The following ZNF518A variants were observed in gnomAD, a reference collection of about 807,000 sequenced individuals.
ZNF518A encodes zinc finger protein 518.
ZNF518A carries 47 observed loss-of-function variants against 102.7 expected under a neutral mutation model. That is an observed-to-expected ratio of 0.46 (90% CI 0.36 to 0.58). The LOEUF is 0.58. Among genes scored for constraint, ZNF518A ranks in the 20% least tolerant of loss-of-function variants. The pLI is 0.00. For synonymous variants in ZNF518A, 652 were observed against 594.6 expected (o/e 1.10, Z -1.40); for missense variants, 1,793 against 1,699.8 (o/e 1.05, Z -0.96).
intron 1 of ZNF518A, among the ~76,000 whole-genome samples, chr10:96,171,724 CAT>C (rs1307444583): frequency 9.9e-5 from 15 of 152,154 alleles, no homozygotes; most frequent in Admixed American, 4.6e-4. Context: ...TTAAGGGCAA[CAT>C]ATGTGTAATG....
At position 96,158,193 on chromosome 10, in the gene ZNF518A, A is replaced by C; in HGVS notation, c.1871A>C (p.Asn624Thr). Residue 624 changes from asparagine to threonine, a missense_variant, in exon 6 of 6, where the codon AAC becomes ACC. Around this residue, in one of 3 missense-constraint regions of ZNF518A, gnomAD observed 1,741 missense variants for 1,622.6 expected, o/e 1.07. Coordinates refer to ENST00000316045, the MANE Select transcript of ZNF518A (RefSeq NM_001330736.2). ...DMHNYCINYG[N>T]CELPVESSNQ... The stretch of plus-strand genomic sequence containing the variant: ...CATAATTATTGCATTAATTATGGCA[A>C]CTGTGAGTTACCTGTTGAATCCTCC... The C allele has an allele frequency of 6.2e-7, 1 of 1,613,726 alleles. No homozygotes were observed. The highest frequency in any genetic ancestry group is 8.5e-7 in the Non-Finnish European group (1 of 1,179,740).
At chr10:96,169,953 A>AT (rs1407788423) in intron 1 of ZNF518A, among the ~76,000 whole-genome samples, 2 of 152,238 alleles carry the variant, frequency 1.3e-5, no homozygotes, top group African/African-American at 4.8e-5. Flanking sequence ...GACAGAGATA[A>AT]ACACCTGGAA....
At chr10:96,168,746 G>T (rs2083157512), downstream of ZNF518A, among the ~76,000 whole-genome samples, 1 of 152,014 alleles carries the variant, frequency 6.6e-6, no homozygotes, top group Non-Finnish European at 1.5e-5. Context: ...AGGACCTTTG[G>T]ATGTGATGAC....
intron 1 of ZNF518A, among the ~76,000 whole-genome samples, chr10:96,187,718 CT>C (rs1306916664): frequency 6.6e-6 from 1 of 152,228 alleles, no homozygotes; most frequent in Non-Finnish European, 1.5e-5. Flanking sequence ...CCTTCTTCAG[CT>C]GCTACACATG....
rs1554885310 is a variant in ZNF518A, at chr10:96,158,966, T to G, written c.2644T>G (p.Ser882Ala). Residue 882 changes from serine (S) to alanine (A), a missense_variant, in exon 6 of 6, where the codon TCA becomes GCA. Ser to Ala is a moderately conservative substitution (Grantham distance 99, BLOSUM62 1). Coordinates refer to ENST00000316045, the MANE Select transcript of ZNF518A (RefSeq NM_001330736.2). ...AGATTCAGAGAAGATGCCTAGAATT[T>G]CAGGTTTTGGCACATTACTTAAGAC... ...VRDSEKMPRI[S>A]GFGTLLKTQS... 2.5e-6 allele frequency: 4 copies of G among 1,613,476 alleles called. No homozygotes were observed. The African/African-American group carries it at 5.3e-5, about 22-fold the overall frequency.
chr10:96,173,957 ATT>A (rs1195522938), intron 1 of ZNF518A, among the ~76,000 whole-genome samples: 1 of 152,162 alleles, frequency 6.6e-6, no homozygotes. Flanking sequence ...AACAAAGGAA[ATT>A]TTGAAAATTC....
At chr10:96,140,116 G>A (rs1430494834) in intron 3 of ZNF518A, among the ~76,000 whole-genome samples, 1 of 151,998 alleles carries the variant, frequency 6.6e-6, no homozygotes, top group African/African-American at 2.4e-5. Context: ...CCTCAGCCTC[G>A]CAGAGTGCTA....
chr10:96,170,040 A>T (rs2083164611), intron 1 of ZNF518A, among the ~76,000 whole-genome samples: 1 of 152,056 alleles, frequency 6.6e-6, no homozygotes, highest in African/African-American at 2.4e-5. Context: ...GTGGCTTACA[A>T]CTCTGCCTTC....
At chr10:96,182,560 C>T (rs1251348992) in intron 1 of ZNF518A, among the ~76,000 whole-genome samples, 1 of 152,122 alleles carries the variant, frequency 6.6e-6, no homozygotes, top group Non-Finnish European at 1.5e-5. Context: ...AATTTTGTTG[C>T]AGGCCTTTTC....
In ZNF518A at chr10:96,200,085, C is replaced by T. The variant is rs781918280; in HGVS notation, n.36-3489C>T. ...TAAAAATGATCAGACCTTGTTTGATCTGTGCAATGCCTCTTCAGCAGACTT... is the reference window on the plus strand; with the variant it reads ...TAAAAATGATCAGACCTTGTTTGATTTGTGCAATGCCTCTTCAGCAGACTT... On this transcript the variant is annotated intron_variant and non_coding_transcript_variant, in intron 1 of 2. Coordinates refer to the ZNF518A transcript ENST00000442635. This position sits in a 1 kb window ranked among gnomAD's most constrained non-coding sequence, Gnocchi z 4.3. The T allele has an allele frequency of 1.6e-5, 25 of 1,606,290 alleles. No individual in the cohort carries two copies. In the East Asian group the frequency reaches 5.4e-4, roughly 34 times the overall value.
intron 3 of ZNF518A, among the ~76,000 whole-genome samples, chr10:96,152,038 G>C (rs11188631): frequency 6.6e-6 from 1 of 152,094 alleles, no homozygotes; most frequent in Non-Finnish European, 1.5e-5. Context: ...TGGGCTGGAC[G>C]TTGTGGCACA....
chr10:96,185,293 C>G (rs1554892458), intron 1 of ZNF518A, among the ~76,000 whole-genome samples: 1 of 152,178 alleles, frequency 6.6e-6, no homozygotes, highest in South Asian at 2.1e-4. Flanking sequence ...CCTTCTGAAG[C>G]CTACTTCTGT....
chr10:96,178,386 T>G (rs2083218302), intron 1 of ZNF518A, among the ~76,000 whole-genome samples: 1 of 151,980 alleles, frequency 6.6e-6, no homozygotes, highest in Non-Finnish European at 1.5e-5. Flanking sequence ...CAGGGGAAAT[T>G]TAGAAATATT....
chr10:96,166,620 TAGCC>T (rs1400959900), downstream of ZNF518A, among the ~76,000 whole-genome samples: 1 of 151,816 alleles, frequency 6.6e-6, no homozygotes, highest in African/African-American at 2.4e-5. Context: ...TACAAAAAAA[TAGCC>T]AGGCATGGCA....
intron 1 of ZNF518A, chr10:96,189,375 C>T (rs1470820074): frequency 7.0e-6 from 4 of 573,184 alleles, no homozygotes; most frequent in African/African-American, 3.8e-5. Flanking sequence ...GAGACTTCCT[C>T]CACTGCCAGG....
At chr10:96,140,204 A>G (rs1416428940) in intron 3 of ZNF518A, among the ~76,000 whole-genome samples, 1 of 152,076 alleles carries the variant, frequency 6.6e-6, no homozygotes, top group Non-Finnish European at 1.5e-5. Flanking sequence ...CTTATGGATT[A>G]ATGTGGGGAG....
At chr10:96,202,896 T>G (rs2083682752) in intron 1 of ZNF518A, among the ~76,000 whole-genome samples, 1 of 152,224 alleles carries the variant, frequency 6.6e-6, no homozygotes, top group African/African-American at 2.4e-5. Flanking sequence ...AATGAGCTAT[T>G]ATGCCCATTT....
At chr10:96,142,331 TG>T (rs2081973594) in intron 3 of ZNF518A, among the ~76,000 whole-genome samples, 2 of 151,264 alleles carry the variant, frequency 1.3e-5, no homozygotes, top group Admixed American at 6.6e-5. Context: ...TGTGTGTGTG[TG>T]TGTGTGTGTG....
Position 96,158,141 on chromosome 10 carries a change from C to T in ZNF518A, c.1819C>T (p.Pro607Ser), listed in dbSNP as rs979481374. The change falls in exon 6 of 6, where the codon CCA (proline) becomes TCA (serine). Residue 607 changes from proline to serine, a missense_variant. Pro to Ser is a moderately conservative substitution (Grantham distance 74, BLOSUM62 -1). This residue lies in a region of ZNF518A where 1,741 missense variants were observed against 1,622.6 expected (regional missense o/e 1.07). Transcript: ENST00000316045. ...SPDKVNCVAK[P>S]NAYNSGDMHN... ...AGATAAAGTCAACTGTGTTGCCAAACCAAATGCATACAACAGTGGAGATAT... is the reference window on the plus strand; with the variant it reads ...AGATAAAGTCAACTGTGTTGCCAAATCAAATGCATACAACAGTGGAGATAT... The T allele has an allele frequency of 1.9e-6, 3 of 1,613,456 alleles. No homozygotes were observed. The Admixed American group carries it at 5.0e-5, about 27-fold the overall frequency.
Sources: allele counts gnomAD v4.1 joint callset (sites outside exome capture counted in the v4.1 genomes callset), GRCh38; gene constraint gnomAD v4.1.1; regional missense constraint gnomAD v4.1.1; non-coding constraint Gnocchi (gnomAD v3.1); transcripts MANE v1.5; gene names NCBI Gene and HGNC (gene_info 2026-07-23, HGNC 2026-07-21).